Variants in LRP1B observed in about 807,000 individuals in gnomAD.
The protein encoded by LRP1B is low-density lipoprotein receptor-related protein 1B.
LRP1B carries 217 observed loss-of-function variants against 556.6 expected under a neutral mutation model. The observed-to-expected ratio is 0.39, with a 90% CI of 0.35 to 0.44. LRP1B has a LOEUF of 0.44. Among genes scored for constraint, LRP1B ranks in the 20% least tolerant of loss-of-function variants. The pLI is 1.00. For missense variants in LRP1B, 5,053 were observed against 5,620.8 expected, an observed-to-expected ratio of 0.90 and a Z score of 3.23; for synonymous variants, 2,047 against 1,865.8, an observed-to-expected ratio of 1.10 and a Z score of -2.50.
chr2:140,862,929 C>A (rs908212235), intron 27 of LRP1B, among the ~76,000 whole-genome samples: 1 of 152,180 alleles, frequency 6.6e-6, no homozygotes. Flanking sequence ...TCCTACACTC[C>A]ATAATTGGCA....
At chr2:140,736,935 C>T (rs941788956) in intron 35 of LRP1B, among the ~76,000 whole-genome samples, 2 of 152,064 alleles carry the variant, frequency 1.3e-5, no homozygotes, top group Admixed American at 6.6e-5. Flanking sequence ...GTTGAAGGAA[C>T]GTCGAGGGAG....
At chr2:141,819,848 TTAAC>T (rs1349097893) in intron 1 of LRP1B, among the ~76,000 whole-genome samples, 1 of 152,070 alleles carries the variant, frequency 6.6e-6, no homozygotes, top group Non-Finnish European at 1.5e-5. Context: ...GGAAACATCA[TTAAC>T]TATCTGAATA....
intron 41 of LRP1B, among the ~76,000 whole-genome samples, chr2:140,617,366 T>C (rs2105240899): frequency 6.6e-6 from 1 of 152,006 alleles, no homozygotes; most frequent in Middle Eastern, 3.4e-3. Flanking sequence ...TTTTGCTAAG[T>C]TAGTAAAAGG....
At position 141,132,023 on chromosome 2, in the gene LRP1B, G is replaced by A. The variant is rs144094726; in HGVS notation, c.1013+56398C>T. On this transcript the variant is annotated intron_variant, in intron 7 of 90. Transcript: ENST00000389484. ...GCCCCAGAGCCTCCAGAGTTCATTG[G>A]ATCATTCTCATGCCTTTGTATCCTC... is the stretch of plus-strand genomic sequence containing the variant. 5.6e-3 allele frequency among the ~76,000 whole-genome samples: 848 copies of A among 151,964 alleles called. 7 individuals carry two copies. The highest frequency in any genetic ancestry group is 0.018 in the African/African-American group (743 of 41,450).
intron 2 of LRP1B, among the ~76,000 whole-genome samples, chr2:141,686,175 A>G (rs1393859972): frequency 3.3e-5 from 5 of 151,992 alleles, no homozygotes; most frequent in Non-Finnish European, 7.4e-5. Flanking sequence ...TCTACATCCA[A>G]TTTTCAGACC....
intron 59 of LRP1B, among the ~76,000 whole-genome samples, chr2:140,476,353 G>A (rs188401822): frequency 7.6e-4 from 116 of 151,838 alleles, no homozygotes; most frequent in Admixed American, 2.8e-3. Context: ...ATAATACTTA[G>A]CAATTAGTTC....
At chr2:140,726,897 A>G (rs1343660962) in intron 35 of LRP1B, among the ~76,000 whole-genome samples, 1 of 152,136 alleles carries the variant, frequency 6.6e-6, no homozygotes, top group Non-Finnish European at 1.5e-5. Flanking sequence ...GACACTACAT[A>G]GAATAATTTT....
intron 2 of LRP1B, among the ~76,000 whole-genome samples, chr2:141,805,954 A>T (rs918240186): frequency 1.2e-4 from 18 of 152,054 alleles, no homozygotes; most frequent in Non-Finnish European, 2.4e-4. Flanking sequence ...CCAAAACATG[A>T]TCTGTGACTG....
At chr2:140,276,252 CAAATT>C (rs1028179238) in intron 84 of LRP1B, among the ~76,000 whole-genome samples, 14 of 151,864 alleles carry the variant, frequency 9.2e-5, no homozygotes, top group African/African-American at 2.9e-4. Flanking sequence ...TTAAATCAGA[CAAATT>C]AAATTTATTG....
At chr2:140,287,235 A>T (rs1683186361) in intron 84 of LRP1B, among the ~76,000 whole-genome samples, 1 of 151,722 alleles carries the variant, frequency 6.6e-6, no homozygotes, top group Admixed American at 6.6e-5. Context: ...TAGATAGGGG[A>T]TCTGATCAAA....
chr2:140,481,837 CAT>C (rs991280743), intron 59 of LRP1B, among the ~76,000 whole-genome samples: 8 of 152,152 alleles, frequency 5.3e-5, no homozygotes, highest in East Asian at 3.9e-4. Flanking sequence ...TCCATAATTA[CAT>C]ATGTTTAATT....
chr2:140,328,741 TG>T (rs1680631064), intron 79 of LRP1B, among the ~76,000 whole-genome samples: 4 of 152,040 alleles, frequency 2.6e-5, no homozygotes, highest in African/African-American at 9.7e-5. Flanking sequence ...TTTAAAAAAT[TG>T]TTAGAGTTTC....
intron 20 of LRP1B, among the ~76,000 whole-genome samples, chr2:140,927,968 A>G (rs1437963211): frequency 1.3e-5 from 2 of 151,786 alleles, no homozygotes; most frequent in East Asian, 3.9e-4. Flanking sequence ...CAGGTCTCGA[A>G]CTCCTGACCT....
chr2:140,777,476 A>G (rs1689539516), intron 32 of LRP1B, among the ~76,000 whole-genome samples: 1 of 152,196 alleles, frequency 6.6e-6, no homozygotes, highest in Non-Finnish European at 1.5e-5. Context: ...ACAGTGTCGA[A>G]TGCCTTGCAG....
intron 14 of LRP1B, among the ~76,000 whole-genome samples, chr2:141,012,772 C>A (rs6759853): frequency 0.022 from 3,354 of 151,788 alleles, 52 homozygotes; most frequent in Non-Finnish European, 0.031. Flanking sequence ...AATTTCCAAT[C>A]GATAGCATAC....
At chr2:140,985,439 C>T (rs892601215) in intron 17 of LRP1B, among the ~76,000 whole-genome samples, 4 of 150,512 alleles carry the variant, frequency 2.7e-5, no homozygotes, top group Admixed American at 2.0e-4. Flanking sequence ...CTAACCAGAG[C>T]GCTATGGTGG....
intron 86 of LRP1B, among the ~76,000 whole-genome samples, chr2:140,257,016 A>G (rs1234291408): frequency 6.6e-6 from 1 of 152,012 alleles, no homozygotes; most frequent in Non-Finnish European, 1.5e-5. Context: ...CTTTAACATG[A>G]TGGCTTTTTC....
chr2:140,951,562 T>C (rs1452376030), intron 19 of LRP1B, among the ~76,000 whole-genome samples: 1 of 152,212 alleles, frequency 6.6e-6, no homozygotes, highest in Non-Finnish European at 1.5e-5. Context: ...GAACCCGAGA[T>C]GTCCAGGTTA....
At chr2:141,413,875 GA>G (rs1171087572) in intron 3 of LRP1B, among the ~76,000 whole-genome samples, 1 of 151,618 alleles carries the variant, frequency 6.6e-6, no homozygotes, top group Non-Finnish European at 1.5e-5. Flanking sequence ...TGAGGAGAGA[GA>G]GAGAGAGAGA....
Sources: gnomAD v4.1 joint callset for allele counts (sites outside exome capture counted in the v4.1 genomes callset) on GRCh38, gnomAD v4.1.1 for gene constraint, MANE v1.5 for transcripts, NCBI Gene and HGNC (gene_info 2026-07-23, HGNC 2026-07-21) for gene names.